The following PCDHA6 variants were observed in gnomAD, a reference collection of about 807,000 sequenced individuals.
The protein encoded by PCDHA6 is protocadherin alpha-6.
PCDHA6 carries 55 observed loss-of-function variants against 60.3 expected under a neutral mutation model. That is an observed-to-expected ratio of 0.91 (90% CI 0.73 to 1.14). PCDHA6 has a LOEUF of 1.14. Ranked by LOEUF, PCDHA6 falls within the 50% of genes most tolerant of loss-of-function variation. The probability of loss-of-function intolerance (pLI) is 0.00; values close to 1 mark genes in which losing one functional copy is unlikely to be tolerated. For synonymous variants in PCDHA6, 652 were observed against 557.9 expected (o/e 1.17, Z -2.38); for missense variants, 1,327 against 1,256.5 (o/e 1.06, Z -0.85).
chr5:140,853,750 C>T (rs2042854263), intron 1 of PCDHA6: 1 of 988,454 alleles, frequency 1.0e-6, no homozygotes, highest in Non-Finnish European at 1.2e-6. Context: ...TGGTTCAAGG[C>T]TCCACCTCAG....
chr5:140,869,687 T>C, intron 1 of PCDHA6: 1 of 1,613,474 alleles, frequency 6.2e-7, no homozygotes, highest in Non-Finnish European at 8.5e-7. Context: ...CTGTCACTTA[T>C]TTTAAAGAAG....
At position 140,829,223 on chromosome 5, in the gene PCDHA6, G is replaced by C. The variant is rs1259859685; in HGVS notation, c.1132G>C (p.Asp378His). ...VIALISVNDL[D>H]SGANGQVNCS... ...CGCCCTAATTAGCGTGAACGACCTC[G>C]ATTCAGGTGCCAACGGGCAGGTGAA... The change falls in exon 1 of 4, where the codon GAT (aspartate) becomes CAT (histidine). Residue 378 changes from aspartate to histidine, a missense_variant. By Grantham distance (81) the Asp-to-His change is moderately conservative. Coordinates refer to ENST00000529310, the MANE Select transcript of PCDHA6 (RefSeq NM_018909.4). The C allele has an allele frequency of 6.2e-7, 1 of 1,614,124 alleles. No homozygotes were observed. The highest frequency in any genetic ancestry group is 8.5e-7 in the Non-Finnish European group (1 of 1,180,050).
rs2150233090 is a variant in PCDHA6 at position 140,847,186 on chromosome 5, T to C, written c.2394+16701T>C. On this transcript the variant is annotated intron_variant, in intron 1 of 3. Transcript: ENST00000529310. ...TAATAAACTAAAGGGCCATGAGTGA[T>C]TAAGGAATTTGGCCACTCTTTAGAA... Among the ~76,000 whole-genome samples, 2 of 149,618 alleles carry C rather than the reference T, an allele frequency of 1.3e-5. 1 individual carries two copies. Among genetic ancestry groups the C allele is most frequent in the African/African-American group, 4.9e-5 (2 of 40,934 alleles).
At chr5:140,855,751 T>G in intron 1 of PCDHA6, 1 of 328,292 alleles carries the variant, frequency 3.0e-6, no homozygotes, top group Non-Finnish European at 5.6e-6. Flanking sequence ...ATGTGAGGCT[T>G]TGAAAGTCCA....
At chr5:140,998,696 C>G (rs1587806526) in intron 3 of PCDHA6, among the ~76,000 whole-genome samples, 1 of 152,182 alleles carries the variant, frequency 6.6e-6, no homozygotes, top group East Asian at 1.9e-4. Flanking sequence ...TCCCAAGTAG[C>G]TGGGATTACA....
chr5:140,996,172 C>G (rs1694773459), intron 3 of PCDHA6, among the ~76,000 whole-genome samples: 1 of 152,210 alleles, frequency 6.6e-6, no homozygotes, highest in African/African-American at 2.4e-5. Flanking sequence ...AATGTGCTGA[C>G]AGCACCTCCA....
intron 1 of PCDHA6, among the ~76,000 whole-genome samples, chr5:140,949,891 T>G (rs2094429972): frequency 6.6e-6 from 1 of 151,864 alleles, no homozygotes; most frequent in African/African-American, 2.4e-5. Context: ...TTCCTCAGAA[T>G]CTCTTTTAAT....
chr5:140,967,021 C>G, intron 1 of PCDHA6: 2 of 1,607,830 alleles, frequency 1.2e-6, no homozygotes, highest in Non-Finnish European at 1.7e-6. Context: ...TGGGTGCGCC[C>G]AGTCCGCGCT....
intron 1 of PCDHA6, among the ~76,000 whole-genome samples, chr5:140,890,832 T>G (rs1554184561): frequency 6.6e-6 from 1 of 152,220 alleles, no homozygotes; most frequent in African/African-American, 2.4e-5. Context: ...ACTTACATAT[T>G]TACCAGTTTT....
In PCDHA6 at chr5:141,010,257, G is replaced by T; in HGVS notation, c.*320G>T. On this transcript the variant is annotated 3_prime_UTR_variant, in exon 4 of 4. Coordinates refer to ENST00000529310, the MANE Select transcript of PCDHA6 (RefSeq NM_018909.4). ...AGTGAGAGGTTGGACTCTCTGCCCT[G>T]TGCTCCGGGGATCCTGTCTTGATGA... 6.4e-7 allele frequency: 1 copy of T among 1,551,794 alleles called. No homozygotes were observed. The highest frequency in any genetic ancestry group is 8.7e-7 in the Non-Finnish European group (1 of 1,147,016).
intron 1 of PCDHA6, among the ~76,000 whole-genome samples, chr5:140,855,303 A>C (rs1045706471): frequency 6.7e-6 from 1 of 149,854 alleles, no homozygotes; most frequent in Admixed American, 6.7e-5. Context: ...CAAAGTTATA[A>C]AATTGGAACA....
At chr5:140,921,131 C>T (rs532456439) in intron 1 of PCDHA6, among the ~76,000 whole-genome samples, 9 of 132,934 alleles carry the variant, frequency 6.8e-5, no homozygotes, top group Non-Finnish European at 1.1e-4. Context: ...CAGGTGCACA[C>T]CACTACACCC....
At chr5:140,991,640 T>C (rs1315335320) in intron 3 of PCDHA6, among the ~76,000 whole-genome samples, 1 of 152,194 alleles carries the variant, frequency 6.6e-6, no homozygotes, top group Non-Finnish European at 1.5e-5. Flanking sequence ...AACAATCTGT[T>C]CATGACAATT....
intron 1 of PCDHA6, among the ~76,000 whole-genome samples, chr5:140,921,151 ATT>A (rs11299094): frequency 0.33 from 49,606 of 151,532 alleles, 8,413 homozygotes; most frequent in East Asian, 0.53. Flanking sequence ...CAGCTAATGC[ATT>A]TTTTTTTTAA....
rs1770810347 is a variant in PCDHA6, at chr5:140,830,094, C to T, written c.2003C>T (p.Ser668Leu). Residue 668 changes from serine (S) to leucine (L), a missense_variant, in exon 1 of 4, where the codon TCG (serine) becomes TTG (leucine). Physicochemically the swap from Ser to Leu is moderately radical, Grantham distance 145. Coordinates refer to ENST00000529310, the MANE Select transcript of PCDHA6 (RefSeq NM_018909.4). ...ALTATATVLV[S>L]LVESGQAPKA... is the part of the protein sequence containing the mutation. ...ACAGCGACGGCCACGGTTCTGGTGT[C>T]GCTGGTGGAGAGTGGCCAGGCTCCA... is the stretch of plus-strand genomic sequence containing the variant. 2.5e-6 allele frequency: 4 copies of T among 1,613,470 alleles called. No homozygotes were observed. The highest frequency in any genetic ancestry group is 1.7e-4 in the Middle Eastern group (1 of 6,050).
At chr5:140,831,488 T>C (rs370733379) in intron 1 of PCDHA6, among the ~76,000 whole-genome samples, 1 of 148,694 alleles carries the variant, frequency 6.7e-6, no homozygotes, top group African/African-American at 2.5e-5. Context: ...GCCTCTGGAG[T>C]TACTACACAC....
rs112749867 is a variant in PCDHA6 at position 140,870,111 on chromosome 5, G to T, written c.2394+39626G>T. On this transcript the variant is annotated intron_variant, in intron 1 of 3. Coordinates refer to ENST00000529310, the MANE Select transcript of PCDHA6 (RefSeq NM_018909.4). ...CAATGGCAGGTCACTGTACAGTCTG[G>T]GTGGAAATCTTGGACACCAACGATA... is the stretch of plus-strand genomic sequence containing the variant. 32 of 1,613,880 alleles carry T rather than the reference G, an allele frequency of 2.0e-5. 1 individual carries two copies. In the African/African-American group the frequency reaches 2.0e-4, roughly 10 times the overall value.
chr5:140,842,159 T>A (rs2150330749), intron 1 of PCDHA6: 1 of 1,613,882 alleles, frequency 6.2e-7, no homozygotes, highest in South Asian at 1.1e-5. Context: ...AATTTCATAT[T>A]CTTTTAATAG....
Position 140,836,307 on chromosome 5 carries a change from G to A in PCDHA6, c.2394+5822G>A, listed in dbSNP as rs148995786. 8.6e-5 allele frequency: 139 copies of A among 1,613,622 alleles called. 1 individual carries two copies. The highest frequency in any genetic ancestry group is 1.3e-4 in the Admixed American group (8 of 60,000). On this transcript the variant is annotated intron_variant, in intron 1 of 3. Coordinates refer to ENST00000529310, the MANE Select transcript of PCDHA6 (RefSeq NM_018909.4). ...GACACGAGCCCTAGATGAGACGGAC[G>A]CACCGCGCCACCGCCTTCTGGTGCT... is the stretch of plus-strand genomic sequence containing the variant.
Sources: allele counts gnomAD v4.1 joint callset (sites outside exome capture counted in the v4.1 genomes callset), GRCh38; gene constraint gnomAD v4.1.1; transcripts MANE v1.5; gene names NCBI Gene and HGNC (gene_info 2026-07-23, HGNC 2026-07-21).